The following GRM3 variants were observed in gnomAD, a reference collection of about 807,000 sequenced individuals.
GRM3 encodes metabotropic glutamate receptor 3.
A neutral mutation model predicts 70.5 loss-of-function variants in GRM3; 26 were observed. The ratio of observed to expected loss-of-function variants is 0.37; its 90% CI spans 0.27 to 0.51. GRM3 has a LOEUF of 0.51. Ranked by LOEUF, GRM3 falls within the 20% of genes least tolerant of loss-of-function variation. The pLI, the probability that GRM3 is intolerant of heterozygous loss-of-function variation, is 0.93. For missense variants in GRM3, 859 were observed against 1,123.8 expected, an observed-to-expected ratio of 0.76 and a Z score of 3.37; for synonymous variants, 443 against 434.9, an observed-to-expected ratio of 1.02 and a Z score of -0.23.
chr7:86,661,788 C>CA (rs375873858), intron 1 of GRM3, among the ~76,000 whole-genome samples: 18 of 147,878 alleles, frequency 1.2e-4, no homozygotes, highest in African/African-American at 4.5e-4. Context: ...AATGACTTAT[C>CA]AAAAAACATG....
intron 1 of GRM3, among the ~76,000 whole-genome samples, chr7:86,729,356 G>A (rs1456779566): frequency 6.6e-6 from 1 of 152,046 alleles, no homozygotes; most frequent in Non-Finnish European, 1.5e-5. Context: ...AATAGTGTCT[G>A]GTGTATAACG....
chr7:86,749,509 G>C lies in GRM3; in HGVS notation c.-140-15497G>C, dbSNP rs1796181283. On this transcript the variant is annotated intron_variant, in intron 1 of 5. Transcript: ENST00000361669. ...AAGTAAAAGAAACATCTGGACAGTG[G>C]ATAGAATCAGCACCAAACACGGCCT... 2.6e-5 allele frequency among the ~76,000 whole-genome samples: 4 copies of C among 152,172 alleles called. No individual in the cohort carries two copies. In the South Asian group the frequency reaches 8.3e-4, roughly 32 times the overall value.
intron 1 of GRM3, among the ~76,000 whole-genome samples, chr7:86,717,687 T>G (rs1795351339): frequency 6.6e-6 from 1 of 151,912 alleles, no homozygotes. Flanking sequence ...ACCACAGAAG[T>G]GGGAAATCCT....
chr7:86,670,421 C>T (rs544520435), intron 1 of GRM3, among the ~76,000 whole-genome samples: 3 of 152,280 alleles, frequency 2.0e-5, no homozygotes, highest in Admixed American at 2.0e-4. Flanking sequence ...CTGTCAATTT[C>T]TCGTGTCTTT....
chr7:86,741,458 T>A (rs1795990404), intron 1 of GRM3, among the ~76,000 whole-genome samples: 1 of 152,192 alleles, frequency 6.6e-6, no homozygotes, highest in Non-Finnish European at 1.5e-5. Context: ...AGAGTTAGCT[T>A]GAAGAACAGG....
chr7:86,689,082 A>T (rs942903729), intron 1 of GRM3, among the ~76,000 whole-genome samples: 4 of 151,008 alleles, frequency 2.6e-5, no homozygotes, highest in African/African-American at 9.7e-5. Flanking sequence ...TTGTAAGACT[A>T]GTACAAAAGG....
chr7:86,713,723 A>G (rs1185414808), intron 1 of GRM3, among the ~76,000 whole-genome samples: 1 of 152,000 alleles, frequency 6.6e-6, no homozygotes, highest in Non-Finnish European at 1.5e-5. Context: ...TGTCTTAACT[A>G]TCTTTATGTT....
chr7:86,854,637 C>T (rs1026860721), intron 5 of GRM3, among the ~76,000 whole-genome samples: 28 of 152,110 alleles, frequency 1.8e-4, no homozygotes, highest in Middle Eastern at 3.2e-3. Flanking sequence ...ATGCCCTGGT[C>T]CCACCCATAG....
chr7:86,677,792 AG>A (rs1027744674), intron 1 of GRM3, among the ~76,000 whole-genome samples: 3 of 151,998 alleles, frequency 2.0e-5, no homozygotes, highest in African/African-American at 7.2e-5. Flanking sequence ...TGGCCCGCAA[AG>A]AATGGGAAAC....
chr7:86,735,118 C>A (rs1261381195), intron 1 of GRM3, among the ~76,000 whole-genome samples: 2 of 152,114 alleles, frequency 1.3e-5, no homozygotes, highest in African/African-American at 4.8e-5. Flanking sequence ...GAGACCATGC[C>A]TTTGAAGAGA....
rs192547894 is a variant in GRM3 at position 86,779,951 on chromosome 7, C to T, written c.469-6310C>T. Among the ~76,000 whole-genome samples the T allele has an allele frequency of 3.4e-4, 52 of 152,310 alleles. 1 individual carries two copies. Among genetic ancestry groups the T allele is most frequent in the African/African-American group, 1.2e-3 (51 of 41,572 alleles). ...AAATTACACCAGCTTATAACTACAA[C>T]AATGGGGAAAAGACACAAATACTAA... is the stretch of plus-strand genomic sequence containing the variant. On this transcript the variant is annotated intron_variant, in intron 2 of 5. Transcript: ENST00000361669.
intron 3 of GRM3, among the ~76,000 whole-genome samples, chr7:86,820,907 C>T (rs1167914676): frequency 1.3e-5 from 2 of 152,162 alleles, no homozygotes; most frequent in Admixed American, 6.6e-5. Flanking sequence ...CAGAGATGAC[C>T]CCCAAGGTGG....
At chr7:86,809,342 T>G (rs1283305468) in intron 3 of GRM3, among the ~76,000 whole-genome samples, 1 of 152,080 alleles carries the variant, frequency 6.6e-6, no homozygotes, top group Admixed American at 6.6e-5. Context: ...CTATCCAGAC[T>G]TCCCATCATA....
At chr7:86,845,944 C>G (rs1342999273) in intron 4 of GRM3, among the ~76,000 whole-genome samples, 1 of 152,148 alleles carries the variant, frequency 6.6e-6, no homozygotes, top group African/African-American at 2.4e-5. Flanking sequence ...CTAATTTGGC[C>G]TTTACTCACA....
rs139900217 is a variant in GRM3, at chr7:86,839,848, G to A, written c.2334G>A (p.Thr778=). The A allele has an allele frequency of 7.1e-5, 114 of 1,613,784 alleles. 2 individuals carry two copies. The highest frequency in any genetic ancestry group is 2.5e-4 in the African/African-American group (19 of 75,022). ...AKFIGFTMYT[T]CIIWLAFLPI... is the part of the protein sequence containing the mutation. ...TCATAGGTTTTACCATGTACACCAC[G>A]TGCATCATCTGGTTGGCCTTCCTCC... The change falls in exon 4 of 6, where the codon ACG becomes ACA. Residue 778 remains threonine (T), a synonymous_variant. Coordinates refer to ENST00000361669, the MANE Select transcript of GRM3 (RefSeq NM_000840.3). The surrounding 1 kb of genome is among the most constrained non-coding windows in gnomAD (Gnocchi z 4.5).
intron 3 of GRM3, among the ~76,000 whole-genome samples, chr7:86,833,702 C>T (rs1798401510): frequency 1.3e-5 from 2 of 152,188 alleles, no homozygotes; most frequent in Non-Finnish European, 2.9e-5. Flanking sequence ...GAATATTTGA[C>T]ATATGTGGTT....
intron 3 of GRM3, among the ~76,000 whole-genome samples, chr7:86,827,213 T>C (rs117197255): frequency 5.1e-4 from 78 of 152,350 alleles, no homozygotes; most frequent in Non-Finnish European, 1.0e-3. Flanking sequence ...TGTTTTTCAG[T>C]ACCTGAAATC....
intron 1 of GRM3, among the ~76,000 whole-genome samples, chr7:86,669,635 G>C (rs909393013): frequency 2.0e-5 from 3 of 152,090 alleles, no homozygotes; most frequent in African/African-American, 7.2e-5. Flanking sequence ...GTTGAATGTG[G>C]AAACAATAAC....
intron 1 of GRM3, among the ~76,000 whole-genome samples, chr7:86,743,780 A>G (rs1213070266): frequency 1.3e-5 from 2 of 152,174 alleles, no homozygotes; most frequent in African/African-American, 2.4e-5. Context: ...TCTGTGGGCT[A>G]GAAAAGAGTG....
Sources: allele counts gnomAD v4.1 joint callset (sites outside exome capture counted in the v4.1 genomes callset), GRCh38; gene constraint gnomAD v4.1.1; non-coding constraint Gnocchi (gnomAD v3.1); transcripts MANE v1.5; gene names NCBI Gene and HGNC (gene_info 2026-07-23, HGNC 2026-07-21).